The following TP53BP2 variants were observed in gnomAD, a reference collection of about 807,000 sequenced individuals.
TP53BP2 encodes the protein apoptosis-stimulating of p53 protein 2.
A neutral mutation model predicts 126.2 loss-of-function variants in TP53BP2; 62 were observed. The ratio of observed to expected loss-of-function variants is 0.49; its 90% CI spans 0.40 to 0.61. TP53BP2 has a LOEUF of 0.61. TP53BP2 is among the 20% of genes least tolerant of loss of function. The pLI is 0.00. For missense variants in TP53BP2, 1,215 were observed against 1,402.8 expected, an observed-to-expected ratio of 0.87 and a Z score of 2.14; for synonymous variants, 485 against 502.9, an observed-to-expected ratio of 0.96 and a Z score of 0.48.
chr1:223,845,600 G>C, intron 1 of TP53BP2, 54 bp downstream of exon 1: 1 of 1,513,314 alleles, frequency 6.6e-7, no homozygotes, highest in Non-Finnish European at 8.8e-7. Context: ...CCAGCCCCCG[G>C]CACGCGACCC....
chr1:223,831,465 C>CT (rs1663708663), intron 1 of TP53BP2, among the ~76,000 whole-genome samples: 1 of 28,820 alleles, frequency 3.5e-5, no homozygotes, highest in Non-Finnish European at 7.6e-5. Flanking sequence ...TATGTACCAT[C>CT]TAAAAAAAAA....
intron 4 of TP53BP2, among the ~76,000 whole-genome samples, chr1:223,809,297 T>C (rs1273181834): frequency 6.6e-6 from 1 of 152,174 alleles, no homozygotes; most frequent in Non-Finnish European, 1.5e-5. Flanking sequence ...TCAGGCACCA[T>C]GGCTAACGTC....
rs1343576411 is a variant in TP53BP2, at chr1:223,784,124, G to C, written c.3354C>G (p.Asn1118Lys). ...LNDKEGYVPR[N>K]LLGLYPRIKP... Reference sequence around the variant, plus strand: ...CGTCAGAATAACTTACTCCCAGCAAGTTACGTGGAACATATCCCTCCTTAT... The same window carrying C: ...CGTCAGAATAACTTACTCCCAGCAACTTACGTGGAACATATCCCTCCTTAT... The change falls in exon 17 of 18, where the codon AAC becomes AAG. Residue 1118 changes from asparagine to lysine, a missense_variant. Around this residue, in one of 4 missense-constraint regions of TP53BP2, gnomAD observed 151 missense variants for 231.2 expected, o/e 0.65. Transcript: ENST00000343537. 6.2e-7 allele frequency: 1 copy of C among 1,614,022 alleles called. No individual in the cohort carries two copies. Among genetic ancestry groups the C allele is most frequent in the Non-Finnish European group, 8.5e-7 (1 of 1,180,014 alleles).
At chr1:223,825,529 A>G (rs1663461583) in intron 1 of TP53BP2, among the ~76,000 whole-genome samples, 1 of 152,184 alleles carries the variant, frequency 6.6e-6, no homozygotes, top group Non-Finnish European at 1.5e-5. Flanking sequence ...GGTACTGCTA[A>G]ACGGTATGGC....
chr1:223,800,041 T>C lies in TP53BP2; in HGVS notation c.1343A>G (p.Asp448Gly). 1 of 1,601,496 alleles carries C rather than the reference T, an allele frequency of 6.2e-7. No individual in the cohort carries two copies. The highest frequency in any genetic ancestry group is 8.5e-7 in the Non-Finnish European group (1 of 1,176,182). ...STGNALDQVD[D>G]GEVPLREKEK... ...TTTCTCCCTCAGCGGAACCTCTCCA[T>C]CATCAACTAAAGACAAAAAAATCAC... The change falls in exon 11 of 18, where the codon GAT (aspartate) becomes GGT (glycine). Residue 448 changes from aspartate to glycine, a missense_variant. Around this residue, in one of 4 missense-constraint regions of TP53BP2, gnomAD observed 814 missense variants for 853.0 expected, o/e 0.95. Transcript: ENST00000343537.
intron 4 of TP53BP2, among the ~76,000 whole-genome samples, chr1:223,807,776 A>C (rs555595193): frequency 6.6e-6 from 1 of 152,308 alleles, no homozygotes; most frequent in South Asian, 2.1e-4. Flanking sequence ...CTAAAATCTC[A>C]AAAACTGCTG....
At chr1:223,800,668 T>TTGGTCATCTG (rs1429312950) in intron 10 of TP53BP2, 32 bp downstream of exon 10, 1 of 1,516,636 alleles carries the variant, frequency 6.6e-7, no homozygotes, top group African/African-American at 1.4e-5. Context: ...GACCAAAATT[T>TTGGTCATCTG]AATGTTCAAG....
At chr1:223,807,755 A>T (rs1662773051) in intron 4 of TP53BP2, among the ~76,000 whole-genome samples, 1 of 152,202 alleles carries the variant, frequency 6.6e-6, no homozygotes, top group Non-Finnish European at 1.5e-5. Flanking sequence ...TAAATAGGTA[A>T]GATGTATATA....
At chr1:223,805,300 A>G (rs1377592724) in intron 5 of TP53BP2, among the ~76,000 whole-genome samples, 1 of 152,152 alleles carries the variant, frequency 6.6e-6, no homozygotes, top group Non-Finnish European at 1.5e-5. Context: ...GTCCTTGAAG[A>G]CTAAAAAGCT....
chr1:223,831,483 ATAT>A (rs1663726969), intron 1 of TP53BP2, among the ~76,000 whole-genome samples: 116 of 31,326 alleles, frequency 3.7e-3, no homozygotes, highest in Non-Finnish European at 5.9e-3. Context: ...AAAAAAAAAT[ATAT>A]ATATATATAT....
chr1:223,822,072 T>G (rs1663332984), intron 1 of TP53BP2, among the ~76,000 whole-genome samples: 1 of 151,864 alleles, frequency 6.6e-6, no homozygotes, highest in African/African-American at 2.4e-5. Context: ...CCATGCCACA[T>G]CTGGCTAATT....
chr1:223,793,266 T>C, intron 14 of TP53BP2, 37 bp downstream of exon 14: 1 of 1,479,514 alleles, frequency 6.8e-7, no homozygotes, highest in Non-Finnish European at 9.0e-7. Context: ...AGCGAGACTC[T>C]GACTCAAAAA....
chr1:223,823,814 C>T (rs553576569), intron 1 of TP53BP2, among the ~76,000 whole-genome samples: 1 of 152,324 alleles, frequency 6.6e-6, no homozygotes, highest in Non-Finnish European at 1.5e-5. Context: ...ATACTCCCTA[C>T]CGATGCAAAA....
intron 1 of TP53BP2, chr1:223,845,115 T>G (rs1177554743): frequency 7.5e-6 from 3 of 400,522 alleles, no homozygotes; most frequent in Non-Finnish European, 3.4e-6. Flanking sequence ...TACGCTTTCC[T>G]GCAATCTAAA....
At position 223,784,211 on chromosome 1, in the gene TP53BP2, G is replaced by A; in HGVS notation, c.3267C>T (p.Cys1089=). ...CGTCTTCCCTGTGGATGATTGTCATGCAGTCTCCTTCTTTCATGGGCAGCT... is the reference window on the plus strand; with the variant it reads ...CGTCTTCCCTGTGGATGATTGTCATACAGTCTCCTTCTTTCATGGGCAGCT... ...DDELPMKEGD[C]MTIIHREDED... is the part of the protein sequence containing the mutation. Residue 1089 remains cysteine, a synonymous_variant, in exon 17 of 18, where the codon TGC becomes TGT. Coordinates refer to ENST00000343537, the MANE Select transcript of TP53BP2 (RefSeq NM_001031685.3). 1 of 1,614,084 alleles carries A rather than the reference G, an allele frequency of 6.2e-7. No individual in the cohort carries two copies. The highest frequency in any genetic ancestry group is 8.5e-7 in the Non-Finnish European group (1 of 1,179,986).
Position 223,798,390 on chromosome 1 carries a change from A to G in TP53BP2, c.1773T>C (p.Phe591=), listed in dbSNP as rs759325466. Reference sequence around the variant, plus strand: ...AGGTGTCTTTGGAAGGCTGGGGAGTAAAGGGCCGGACGGCAGCAGCAGGTG... The same window carrying G: ...AGGTGTCTTTGGAAGGCTGGGGAGTGAAGGGCCGGACGGCAGCAGCAGGTG... The part of the protein sequence containing the change: ...ESPPAAAVRP[F]TPQPSKDTLL... Residue 591 remains phenylalanine (F), a synonymous_variant, in exon 12 of 18, where the codon TTT becomes TTC. Transcript: ENST00000343537. The G allele has an allele frequency of 2.9e-5, 47 of 1,614,010 alleles. No homozygotes were observed.
intron 1 of TP53BP2, among the ~76,000 whole-genome samples, chr1:223,832,523 T>C (rs908704571): frequency 2.0e-5 from 3 of 152,234 alleles, no homozygotes; most frequent in Admixed American, 2.0e-4. Context: ...AGAATGCCAC[T>C]AGGCTTCCTA....
chr1:223,826,190 A>G (rs1215498369), intron 1 of TP53BP2: 7 of 152,280 alleles, frequency 4.6e-5, no homozygotes, highest in Non-Finnish European at 1.0e-4. Context: ...ACTGCAGACG[A>G]AGCAAGAGGA....
Position 223,795,851 on chromosome 1 carries a change from G to C in TP53BP2, c.2688C>G (p.Arg896=). Reference sequence around the variant, plus strand: ...AGACCTGCCCGGTGATTTCAGGCGGGCGCATGCTCACCGAGTCTTCTCCGG... The same window carrying C: ...AGACCTGCCCGGTGATTTCAGGCGGCCGCATGCTCACCGAGTCTTCTCCGG... The part of the protein sequence containing the change: ...EGPGEDSVSM[R]PPEITGQVSL... Residue 896 remains arginine, a synonymous_variant, in exon 13 of 18, where the codon CGC becomes CGG. Coordinates refer to ENST00000343537, the MANE Select transcript of TP53BP2 (RefSeq NM_001031685.3). The C allele has an allele frequency of 6.3e-7, 1 of 1,577,126 alleles. No individual in the cohort carries two copies. The highest frequency in any genetic ancestry group is 8.6e-7 in the Non-Finnish European group (1 of 1,162,448).
Sources: allele counts gnomAD v4.1 joint callset (sites outside exome capture counted in the v4.1 genomes callset), GRCh38; gene constraint gnomAD v4.1.1; regional missense constraint gnomAD v4.1.1; transcripts MANE v1.5; gene names NCBI Gene and HGNC (gene_info 2026-07-23, HGNC 2026-07-21).